MRC1: variants seen among roughly 807,000 people sequenced by gnomAD.
MRC1 encodes the protein macrophage mannose receptor 1.
Under a neutral mutation model 102.9 loss-of-function variants are expected in MRC1, and 62 were observed. That is an observed-to-expected ratio of 0.60 (90% confidence interval 0.49 to 0.74). The LOEUF (loss-of-function observed/expected upper bound fraction) is 0.74, where lower values mean the gene tolerates loss of function less well. MRC1 is among the 30% of genes least tolerant of loss of function. The probability of loss-of-function intolerance (pLI) is 0.00; values close to 1 mark genes in which losing one functional copy is unlikely to be tolerated. For synonymous variants in MRC1, 457 were observed against 298.4 expected (o/e 1.53, Z -5.48); for missense variants, 1,237 against 862.8 (o/e 1.43, Z -5.43).
Position 17,877,968 on chromosome 10 carries a change from G to A in MRC1, c.2618+1G>A, listed in dbSNP as rs986033875. The A allele has an allele frequency of 6.9e-6, 6 of 871,910 alleles. No homozygotes were observed. Among genetic ancestry groups the A allele is most frequent in the African/African-American group, 1.6e-5 (1 of 61,262 alleles). The allele number at this position is 871,910 out of a possible 1,614,324, so 54.0% of individuals were successfully genotyped here. A position where few individuals can be genotyped will look rare whatever the true frequency, so the allele number is the denominator to read the frequency against. ...TGATCAGCTTGGATAAAAAGTTTGCGTAAGTAAATCAAGCTAAAAACAACT... is the reference window on the plus strand; with the variant it reads ...TGATCAGCTTGGATAAAAAGTTTGCATAAGTAAATCAAGCTAAAAACAACT... On this transcript the variant is annotated splice_donor_variant, in intron 18 of 29. Coordinates refer to ENST00000569591, the MANE Select transcript of MRC1 (RefSeq NM_002438.4). LOFTEE classifies it high-confidence loss of function.
intron 3 of MRC1, among the ~76,000 whole-genome samples, chr10:17,828,960 C>A (rs1838526348): frequency 6.6e-6 from 1 of 151,354 alleles, no homozygotes; most frequent in South Asian, 2.1e-4. Context: ...CTTCACGTTC[C>A]CCATCACCAG....
intron 5 of MRC1, among the ~76,000 whole-genome samples, chr10:17,843,895 G>A (rs1838786527): frequency 6.6e-6 from 1 of 152,102 alleles, no homozygotes; most frequent in African/African-American, 2.4e-5. Context: ...ACACATTGGA[G>A]GTCACAAAGC....
chr10:17,866,233 A>T (rs1833264701), intron 11 of MRC1, among the ~76,000 whole-genome samples: 1 of 152,174 alleles, frequency 6.6e-6, no homozygotes, highest in East Asian at 1.9e-4. Context: ...ATCTTAAAAA[A>T]TTAAAAAAGA....
chr10:17,819,315 C>G (rs1293337084), intron 1 of MRC1, among the ~76,000 whole-genome samples: 1 of 152,070 alleles, frequency 6.6e-6, no homozygotes, highest in African/African-American at 2.4e-5. Flanking sequence ...ACTGGGAGAT[C>G]AGGTGTTATC....
At chr10:17,821,291 C>G (rs1838391651) in intron 1 of MRC1, among the ~76,000 whole-genome samples, 2 of 152,176 alleles carry the variant, frequency 1.3e-5, no homozygotes, top group Admixed American at 1.3e-4. Flanking sequence ...ACTTCTCTTT[C>G]TCATTCTTGG....
intron 22 of MRC1, among the ~76,000 whole-genome samples, chr10:17,891,670 T>G (rs907946622): frequency 2.6e-5 from 4 of 152,166 alleles, no homozygotes; most frequent in South Asian, 4.1e-4. Flanking sequence ...ACATTTAGTG[T>G]GAGGTTTCAT....
intron 16 of MRC1, among the ~76,000 whole-genome samples, chr10:17,874,513 G>T (rs1833399771): frequency 6.6e-6 from 1 of 152,084 alleles, no homozygotes; most frequent in Non-Finnish European, 1.5e-5. Flanking sequence ...CATTTTCCAT[G>T]TAAGCTAACA....
rs1270495427 is a variant in MRC1, at chr10:17,856,316, T to C, written c.1482T>C (p.Gly494=). ...YICKMKSRSQ[G]PEIVEVEKGC... is the part of the protein sequence containing the mutation. ...GCAAGATGAAATCACGAAGCCAAGG[T>C]CCAGAAATAGTGGAAGTCGAAAAAG... The change falls in exon 9 of 30, where the codon GGT becomes GGC. Residue 494 remains glycine (G), a synonymous_variant. Transcript: ENST00000569591. 1.0e-5 allele frequency: 9 copies of C among 860,290 alleles called. No homozygotes were observed. The Admixed American group carries it at 1.6e-4, about 15-fold the overall frequency. 53.3% of individuals were successfully genotyped at this position (860,290 alleles called of 1,614,324 possible). A position where few individuals can be genotyped will look rare whatever the true frequency, so the allele number is the denominator to read the frequency against.
chr10:17,851,785 T>C (rs1404710066), intron 7 of MRC1, among the ~76,000 whole-genome samples: 1 of 152,230 alleles, frequency 6.6e-6, no homozygotes, highest in Non-Finnish European at 1.5e-5. Context: ...CCTGGCAGTG[T>C]CATTCATTCT....
At chr10:17,846,998 G>C (rs571190591) in intron 6 of MRC1, among the ~76,000 whole-genome samples, 4,467 of 152,274 alleles carry the variant, frequency 0.029, 248 homozygotes, top group African/African-American at 0.1. Context: ...AATTGATATA[G>C]ATTTGGCCAA....
Position 17,809,374 on chromosome 10 carries a change from T to A in MRC1, c.-92T>A, listed in dbSNP as rs1420766586. The A allele has an allele frequency of 1.2e-6, 1 of 830,948 alleles. No homozygotes were observed. The highest frequency in any genetic ancestry group is 1.7e-5 in the African/African-American group (1 of 60,288). 51.5% of individuals were successfully genotyped at this position (830,948 alleles called of 1,614,324 possible). ...AGCTGGGCAGCTCTGGGAACTTGGA[T>A]TAGGTGGAGAGGCAGTTGGGGGGCC... On this transcript the variant is annotated 5_prime_UTR_variant, in exon 1 of 30. Coordinates refer to ENST00000569591, the MANE Select transcript of MRC1 (RefSeq NM_002438.4).
chr10:17,853,823 T>A (rs1833031998), intron 8 of MRC1, among the ~76,000 whole-genome samples: 2 of 152,132 alleles, frequency 1.3e-5, no homozygotes. Flanking sequence ...GTTATCAAAT[T>A]TATCTTTTAT....
At chr10:17,815,886 G>A (rs1369702649) in intron 1 of MRC1, among the ~76,000 whole-genome samples, 1 of 151,804 alleles carries the variant, frequency 6.6e-6, no homozygotes, top group African/African-American at 2.4e-5. Flanking sequence ...CAGTGCAGTG[G>A]CACGATCTTG....
chr10:17,907,950 G>A (rs1255252659), intron 28 of MRC1, among the ~76,000 whole-genome samples: 4 of 152,324 alleles, frequency 2.6e-5, no homozygotes, highest in Admixed American at 1.3e-4. Context: ...ATATCTGAAG[G>A]ATTTGCCAAG....
intron 1 of MRC1, among the ~76,000 whole-genome samples, chr10:17,809,991 C>T (rs1838198609): frequency 6.6e-6 from 1 of 152,114 alleles, no homozygotes; most frequent in Non-Finnish European, 1.5e-5. Flanking sequence ...CGCAGATCAT[C>T]CCCCCAAAAG....
chr10:17,850,507 G>A, intron 7 of MRC1, among the ~76,000 whole-genome samples: 1 of 152,020 alleles, frequency 6.6e-6, no homozygotes, highest in South Asian at 2.1e-4. Context: ...CACAGAAAAT[G>A]TACTAAGCAG....
chr10:17,859,174 A>G (rs1325294058), intron 9 of MRC1, among the ~76,000 whole-genome samples: 3 of 152,096 alleles, frequency 2.0e-5, no homozygotes, highest in Admixed American at 6.6e-5. Flanking sequence ...TTCTTTGTGC[A>G]TACTATTTTG....
chr10:17,813,531 C>T lies in MRC1; in HGVS notation c.61+4005C>T, dbSNP rs889161862. Among the ~76,000 whole-genome samples the T allele has an allele frequency of 4.6e-5, 7 of 151,616 alleles. No individual in the cohort carries two copies. The East Asian group carries it at 1.4e-3, about 29-fold the overall frequency. ...AACTGAATTAAGTGGGAGAAAAATA[C>T]AAGCACCTTTCTCCTTTTTAAATTT... On this transcript the variant is annotated intron_variant, in intron 1 of 29. Coordinates refer to ENST00000569591, the MANE Select transcript of MRC1 (RefSeq NM_002438.4).
At chr10:17,881,400 A>C (rs2130691640) in intron 21 of MRC1, among the ~76,000 whole-genome samples, 1 of 152,326 alleles carries the variant, frequency 6.6e-6, no homozygotes, top group Non-Finnish European at 1.5e-5. Flanking sequence ...AGAAGCAGGT[A>C]TTATGACCCC....
Sources: allele counts gnomAD v4.1 joint callset (sites outside exome capture counted in the v4.1 genomes callset), GRCh38; gene constraint gnomAD v4.1.1; transcripts MANE v1.5; gene names NCBI Gene and HGNC (gene_info 2026-07-23, HGNC 2026-07-21).